Variants in AHCYL2 observed in about 807,000 individuals in gnomAD.
AHCYL2 encodes the protein adenosylhomocysteinase like 2.
A neutral mutation model predicts 81.4 loss-of-function variants in AHCYL2; 28 were observed. The observed-to-expected ratio is 0.34, with a 90% CI of 0.25 to 0.47. AHCYL2 has a LOEUF of 0.47. AHCYL2 is among the 20% of genes least tolerant of loss of function. AHCYL2 has a pLI of 1.00. For missense variants in AHCYL2, 551 were observed against 785.1 expected (o/e 0.70, Z 3.56); for synonymous variants, 272 against 290.2 (o/e 0.94, Z 0.64).
At chr7:129,307,501 G>A (rs952733539) in intron 1 of AHCYL2, among the ~76,000 whole-genome samples, 4 of 152,054 alleles carry the variant, frequency 2.6e-5, no homozygotes, top group Non-Finnish European at 5.9e-5. Flanking sequence ...CTTCAGGGCA[G>A]TGGGCTCCCC....
intron 12 of AHCYL2, among the ~76,000 whole-genome samples, chr7:129,418,971 C>T (rs1796987087): frequency 6.6e-6 from 1 of 152,146 alleles, no homozygotes; most frequent in Non-Finnish European, 1.5e-5. Context: ...TACCAGTCAA[C>T]TCAGTGAAAC....
chr7:129,402,394 A>C (rs1383255760), intron 6 of AHCYL2, among the ~76,000 whole-genome samples: 3 of 152,226 alleles, frequency 2.0e-5, no homozygotes. Flanking sequence ...TCTGGGGTCC[A>C]GAATGGCAGT....
intron 1 of AHCYL2, among the ~76,000 whole-genome samples, chr7:129,360,056 G>A (rs534299599): frequency 6.7e-6 from 1 of 150,330 alleles, no homozygotes; most frequent in South Asian, 2.1e-4. Context: ...TCAGCTACCT[G>A]TTCTATATTT....
In AHCYL2 at chr7:129,351,583, G is replaced by A. The variant is rs1793565026; in HGVS notation, c.364-28055G>A. 3 of 152,308 alleles carry A rather than the reference G, an allele frequency of 2.0e-5. 1 individual carries two copies. In the South Asian group the frequency reaches 6.2e-4, roughly 32 times the overall value. 9.4% of individuals were successfully genotyped at this position (152,308 alleles called of 1,614,324 possible). A position where few individuals can be genotyped will look rare whatever the true frequency, so the allele number is the denominator to read the frequency against. On this transcript the variant is annotated intron_variant, in intron 1 of 16. Transcript: ENST00000325006. ...GGAAATCGCCATTGGCAATGGTAGA[G>A]GCTATGGAAGATTGGGTCTTGCAAA...
At chr7:129,254,468 A>G (rs183159735) in intron 1 of AHCYL2, among the ~76,000 whole-genome samples, 1 of 152,336 alleles carries the variant, frequency 6.6e-6, no homozygotes, top group African/African-American at 2.4e-5. Context: ...TTTTAGAGAA[A>G]CTAGCTAGTA....
At chr7:129,280,371 G>T (rs1584738191) in intron 1 of AHCYL2, among the ~76,000 whole-genome samples, 1 of 151,874 alleles carries the variant, frequency 6.6e-6, no homozygotes, top group East Asian at 1.9e-4. Flanking sequence ...GTTTCGCCGT[G>T]TTGGCCAGGC....
At chr7:129,299,554 G>A (rs540426369) in intron 1 of AHCYL2, among the ~76,000 whole-genome samples, 2 of 151,634 alleles carry the variant, frequency 1.3e-5, no homozygotes, top group East Asian at 1.9e-4. Context: ...CCACCACGCC[G>A]TGCTAATTTT....
chr7:129,243,510 T>G (rs897803991), intron 1 of AHCYL2, among the ~76,000 whole-genome samples: 1 of 152,200 alleles, frequency 6.6e-6, no homozygotes, highest in Non-Finnish European at 1.5e-5. Context: ...TGGGGTCATA[T>G]TTTCAATATA....
chr7:129,280,238 C>T (rs1414964629), intron 1 of AHCYL2, among the ~76,000 whole-genome samples: 41 of 129,274 alleles, frequency 3.2e-4, no homozygotes, highest in South Asian at 2.5e-4. Context: ...GGCACGATCT[C>T]GGCTCACTGC....
At chr7:129,359,831 G>A (rs1584822051) in intron 1 of AHCYL2, among the ~76,000 whole-genome samples, 1 of 152,290 alleles carries the variant, frequency 6.6e-6, no homozygotes, top group East Asian at 1.9e-4. Flanking sequence ...GATTCTACAG[G>A]TCTTAGGGAG....
chr7:129,326,318 G>T (rs1306065266), intron 1 of AHCYL2, among the ~76,000 whole-genome samples: 1 of 152,066 alleles, frequency 6.6e-6, no homozygotes, highest in Non-Finnish European at 1.5e-5. Flanking sequence ...CCTGAGGTCA[G>T]GAGTTCGAGA....
At chr7:129,350,912 C>G (rs1430813696) in intron 1 of AHCYL2, among the ~76,000 whole-genome samples, 1 of 151,854 alleles carries the variant, frequency 6.6e-6, no homozygotes, top group Non-Finnish European at 1.5e-5. Context: ...CCATGTTGAC[C>G]AGGCTGGTCT....
intron 12 of AHCYL2, among the ~76,000 whole-genome samples, chr7:129,418,429 A>T (rs1340352650): frequency 6.6e-6 from 1 of 152,044 alleles, no homozygotes; most frequent in Admixed American, 6.6e-5. Flanking sequence ...CCTCCTGAGT[A>T]GCTGGGACTA....
At chr7:129,295,277 T>C (rs1797015359) in intron 1 of AHCYL2, among the ~76,000 whole-genome samples, 2 of 152,214 alleles carry the variant, frequency 1.3e-5, no homozygotes, top group African/African-American at 4.8e-5. Flanking sequence ...AGCAATCTGG[T>C]TTTAAAGGAT....
chr7:129,403,738 G>A (rs892407127), intron 7 of AHCYL2, among the ~76,000 whole-genome samples: 13 of 151,626 alleles, frequency 8.6e-5, no homozygotes, highest in African/African-American at 2.9e-4. Context: ...GTGGGCGCCT[G>A]TGGTCCCAGC....
intron 1 of AHCYL2, among the ~76,000 whole-genome samples, chr7:129,309,544 T>G (rs1797571045): frequency 6.6e-6 from 1 of 152,076 alleles, no homozygotes; most frequent in African/African-American, 2.4e-5. Flanking sequence ...TGTCTCAAAA[T>G]AAATAAATGA....
chr7:129,401,355 G>C (rs767976034), intron 6 of AHCYL2, among the ~76,000 whole-genome samples: 2 of 137,716 alleles, frequency 1.5e-5, no homozygotes, highest in African/African-American at 2.6e-5. Flanking sequence ...CCCCAAAAAA[G>C]CTACACAAAG....
At chr7:129,310,808 A>G (rs999230641) in intron 1 of AHCYL2, among the ~76,000 whole-genome samples, 5 of 152,140 alleles carry the variant, frequency 3.3e-5, no homozygotes, top group Non-Finnish European at 7.4e-5. Context: ...TTTTTAAAGC[A>G]GTATATAACA....
intron 1 of AHCYL2, among the ~76,000 whole-genome samples, chr7:129,378,886 A>C (rs1008893608): frequency 2.6e-5 from 4 of 152,228 alleles, no homozygotes; most frequent in African/African-American, 9.6e-5. Flanking sequence ...AACTGTATAA[A>C]ATATTTCTGA....
Sources: gnomAD v4.1 joint callset for allele counts (sites outside exome capture counted in the v4.1 genomes callset) on GRCh38, gnomAD v4.1.1 for gene constraint, MANE v1.5 for transcripts, NCBI Gene and HGNC (gene_info 2026-07-23, HGNC 2026-07-21) for gene names.